Variants in RBFOX1 observed in about 807,000 individuals in gnomAD.
RBFOX1 encodes the protein RNA binding fox-1 homolog 1, also known as RNA binding protein fox-1 homolog 1.
RBFOX1 carries 8 observed loss-of-function variants against 57.7 expected under a neutral mutation model. The observed-to-expected ratio is 0.14, with a 90% CI of 0.08 to 0.25. The LOEUF is 0.25. Ranked by LOEUF, RBFOX1 falls within the 10% of genes least tolerant of loss-of-function variation. RBFOX1 has a pLI of 1.00. For missense variants in RBFOX1, 611 were observed against 548.5 expected (o/e 1.11, Z -1.14); for synonymous variants, 326 against 222.4 (o/e 1.47, Z -4.15).
chr16:5,341,155 G>T (rs1251406117), intron 1 of RBFOX1, among the ~76,000 whole-genome samples: 1 of 152,154 alleles, frequency 6.6e-6, no homozygotes, highest in African/African-American at 2.4e-5. Context: ...ATGAGTAAGG[G>T]GGGAGTAGGA....
intron 11 of RBFOX1, among the ~76,000 whole-genome samples, chr16:7,653,252 G>A (rs1406547854): frequency 2.6e-5 from 4 of 152,164 alleles, no homozygotes; most frequent in Non-Finnish European, 5.9e-5. Context: ...TGTAATCTCA[G>A]CACTTTGGGA....
At chr16:7,221,640 TA>T (rs1288985549) in intron 4 of RBFOX1, among the ~76,000 whole-genome samples, 1 of 152,218 alleles carries the variant, frequency 6.6e-6, no homozygotes, top group African/African-American at 2.4e-5. Context: ...GTACTGGGAT[TA>T]CAGGCGTGAG....
intron 4 of RBFOX1, among the ~76,000 whole-genome samples, chr16:5,991,317 G>A (rs2060391426): frequency 6.6e-6 from 1 of 152,154 alleles, no homozygotes; most frequent in South Asian, 2.1e-4. Flanking sequence ...AGGTCTGATT[G>A]CACCCCTTCC....
At chr16:7,003,337 G>A (rs2093003830) in intron 3 of RBFOX1, among the ~76,000 whole-genome samples, 1 of 152,000 alleles carries the variant, frequency 6.6e-6, no homozygotes, top group South Asian at 2.1e-4. Context: ...GTGAGCACTT[G>A]TAGTCCCAGC....
In RBFOX1 at chr16:6,040,711, T is replaced by C. The variant is rs566243373; in HGVS notation, c.-127+20719T>C. 2.0e-5 allele frequency among the ~76,000 whole-genome samples: 3 copies of C among 150,038 alleles called. No homozygotes were observed. The South Asian group carries it at 6.3e-4, about 31-fold the overall frequency. On this transcript the variant is annotated intron_variant, in intron 1 of 15. Transcript: ENST00000550418. ...CTGAGTTCAAGTGATTCTCCTGCCT[T>C]AGACTCCTGAGTAGCTGGGATTACA...
chr16:7,053,993 T>C (rs1431689531), intron 4 of RBFOX1, among the ~76,000 whole-genome samples: 3 of 152,032 alleles, frequency 2.0e-5, no homozygotes, highest in African/African-American at 7.2e-5. Context: ...CCACGTGACT[T>C]AGGCGTCTAG....
chr16:7,279,922 C>T (rs1049154686), intron 4 of RBFOX1, among the ~76,000 whole-genome samples: 4 of 152,176 alleles, frequency 2.6e-5, no homozygotes, highest in Admixed American at 2.0e-4. Context: ...TCAGGTATGA[C>T]CTTTGAGAAA....
intron 4 of RBFOX1, among the ~76,000 whole-genome samples, chr16:7,258,027 C>T (rs1400734952): frequency 6.6e-6 from 1 of 152,156 alleles, no homozygotes. Context: ...ATGTAATCAG[C>T]ACAACTGGTA....
intron 4 of RBFOX1, among the ~76,000 whole-genome samples, chr16:7,450,970 G>A (rs867818425): frequency 6.6e-6 from 1 of 152,196 alleles, no homozygotes. Context: ...AAACATAGAA[G>A]TGGCTGCCTC....
chr16:7,021,908 C>T (rs930003522), intron 3 of RBFOX1, among the ~76,000 whole-genome samples: 3 of 149,286 alleles, frequency 2.0e-5, no homozygotes, highest in Non-Finnish European at 4.5e-5. Context: ...TTCTTTCTTT[C>T]TTTCTTTTCT....
chr16:7,696,453 G>A (rs955151664), intron 14 of RBFOX1, among the ~76,000 whole-genome samples: 8 of 150,592 alleles, frequency 5.3e-5, no homozygotes, highest in East Asian at 1.9e-4. Context: ...GAATTTTCCA[G>A]GGTGGGCTAG....
chr16:6,408,754 C>G (rs2093366492), intron 2 of RBFOX1, among the ~76,000 whole-genome samples: 3 of 152,116 alleles, frequency 2.0e-5, no homozygotes, highest in Admixed American at 2.0e-4. Flanking sequence ...ATTCACAGGT[C>G]AAACAACAAG....
At chr16:6,113,803 A>C (rs150776399) in intron 1 of RBFOX1, among the ~76,000 whole-genome samples, 1 of 152,354 alleles carries the variant, frequency 6.6e-6, no homozygotes, top group East Asian at 1.9e-4. Context: ...TGAAGGCGTC[A>C]GACAGGCCGT....
At chr16:6,206,983 C>G (rs2097259617) in intron 1 of RBFOX1, among the ~76,000 whole-genome samples, 1 of 63,754 alleles carries the variant, frequency 1.6e-5, no homozygotes, top group Admixed American at 2.5e-4. Context: ...GATCAGAAAG[C>G]TACTTTTTTT....
At chr16:6,887,021 A>T (rs923260026) in intron 3 of RBFOX1, among the ~76,000 whole-genome samples, 1 of 152,210 alleles carries the variant, frequency 6.6e-6, no homozygotes, top group African/African-American at 2.4e-5. Context: ...TGGTTTGATT[A>T]TCTTCCATAT....
intron 1 of RBFOX1, among the ~76,000 whole-genome samples, chr16:6,155,171 C>T (rs979310317): frequency 9.2e-5 from 14 of 152,114 alleles, no homozygotes; most frequent in African/African-American, 2.2e-4. Context: ...AAAAGTAGTC[C>T]GGAGTGAGTC....
At chr16:7,493,892 A>T (rs952957922) in intron 4 of RBFOX1, among the ~76,000 whole-genome samples, 1 of 152,216 alleles carries the variant, frequency 6.6e-6, no homozygotes, top group Non-Finnish European at 1.5e-5. Context: ...CATTATCGTC[A>T]TCTCAGTAGG....
intron 1 of RBFOX1, among the ~76,000 whole-genome samples, chr16:6,275,671 G>T (rs976424266): frequency 7.2e-5 from 11 of 152,082 alleles, no homozygotes; most frequent in Admixed American, 6.5e-4. Context: ...ATATAATAAT[G>T]GAAGGGACAT....
intron 5 of RBFOX1, among the ~76,000 whole-genome samples, chr16:7,532,890 C>G (rs550233967): frequency 4.6e-5 from 7 of 152,336 alleles, no homozygotes; most frequent in Non-Finnish European, 8.8e-5. Flanking sequence ...CCGATCTAGG[C>G]CAAAGTGTAC....
Sources: gnomAD v4.1 joint callset for allele counts (sites outside exome capture counted in the v4.1 genomes callset) on GRCh38, gnomAD v4.1.1 for gene constraint, MANE v1.5 for transcripts, NCBI Gene and HGNC (gene_info 2026-07-23, HGNC 2026-07-21) for gene names.